SLC12A1: variants seen among roughly 807,000 people sequenced by gnomAD.
SLC12A1 encodes the protein solute carrier family 12 member 1.
Under a neutral mutation model 130.4 loss-of-function variants are expected in SLC12A1, and 89 were observed. The ratio of observed to expected loss-of-function variants is 0.68; its 90% CI spans 0.58 to 0.81. The LOEUF (loss-of-function observed/expected upper bound fraction) is 0.81, where lower values mean the gene tolerates loss of function less well. Ranked by LOEUF, SLC12A1 falls within the 40% of genes least tolerant of loss-of-function variation. The pLI, the probability that SLC12A1 is intolerant of heterozygous loss-of-function variation, is 0.00. For missense variants in SLC12A1, 1,310 were observed against 1,336.4 expected (o/e 0.98, Z 0.31); for synonymous variants, 499 against 460.0 (o/e 1.08, Z -1.09).
At chr15:48,285,328 C>A in intron 21 of SLC12A1, 79 bp downstream of exon 21, 1 of 1,402,044 alleles carries the variant, frequency 7.1e-7, no homozygotes, top group Non-Finnish European at 1.0e-6. Flanking sequence ...CCGAAGTCAG[C>A]ATCTAAGATG....
chr15:48,232,631 T>C (rs1597412584), intron 7 of SLC12A1, 96 bp from the exon 8 acceptor site: 1 of 790,830 alleles, frequency 1.3e-6, no homozygotes, highest in South Asian at 1.4e-5. Context: ...AAATATCAGA[T>C]AGAGTCTTTC....
At chr15:48,243,017 T>C (rs1162374460) in intron 10 of SLC12A1, among the ~76,000 whole-genome samples, 1 of 152,122 alleles carries the variant, frequency 6.6e-6, no homozygotes, top group East Asian at 1.9e-4. Flanking sequence ...GAGCTTCTTC[T>C]AGTTTTGCCC....
At chr15:48,266,878 T>C (rs1480293754) in intron 17 of SLC12A1, among the ~76,000 whole-genome samples, 3 of 152,216 alleles carry the variant, frequency 2.0e-5, no homozygotes, top group Non-Finnish European at 4.4e-5. Context: ...AAATGCCTTA[T>C]CAACCATCAC....
chr15:48,295,744 A>G (rs934092103), intron 24 of SLC12A1, among the ~76,000 whole-genome samples: 11 of 152,204 alleles, frequency 7.2e-5, no homozygotes, highest in African/African-American at 2.7e-4. Context: ...CTTGTGGCCA[A>G]TATACCCTGC....
chr15:48,290,224 C>T (rs935964194), intron 23 of SLC12A1, among the ~76,000 whole-genome samples: 2 of 152,078 alleles, frequency 1.3e-5, no homozygotes, highest in African/African-American at 2.4e-5. Flanking sequence ...ATCAATATCA[C>T]TGTCTGCCAC....
At chr15:48,263,591 ATTAATGACTG>A (rs2041798865) in intron 17 of SLC12A1, among the ~76,000 whole-genome samples, 1 of 152,150 alleles carries the variant, frequency 6.6e-6, no homozygotes, top group Non-Finnish European at 1.5e-5. Context: ...ACTTTTCCTA[ATTAATGACTG>A]TTAACATTTT....
At chr15:48,233,013 A>C (rs1411797206) in intron 8 of SLC12A1, among the ~76,000 whole-genome samples, 175 bp downstream of exon 8, 1 of 152,248 alleles carries the variant, frequency 6.6e-6, no homozygotes, top group Non-Finnish European at 1.5e-5. Flanking sequence ...AATAGAGGCA[A>C]AAACTATCAT....
At chr15:48,268,897 GAA>G (rs1293146269) in intron 18 of SLC12A1, among the ~76,000 whole-genome samples, 1 of 152,096 alleles carries the variant, frequency 6.6e-6, no homozygotes, top group African/African-American at 2.4e-5. Context: ...AGCAGGGAAA[GAA>G]AAGACACAAG....
At chr15:48,259,370 T>C (rs1444735393) in intron 17 of SLC12A1, 59 bp downstream of exon 17, 2 of 1,167,354 alleles carry the variant, frequency 1.7e-6, no homozygotes, top group Non-Finnish European at 2.6e-6. Context: ...TTGGATTATT[T>C]TGGGTGAGGA....
At chr15:48,269,456 C>T (rs1042243670) in intron 18 of SLC12A1, among the ~76,000 whole-genome samples, 2 of 152,122 alleles carry the variant, frequency 1.3e-5, no homozygotes, top group African/African-American at 4.8e-5. Flanking sequence ...CATCTAAAAT[C>T]CATTTATAGC....
rs773855120 is a variant in SLC12A1, at chr15:48,208,101, C to T, written c.382C>T (p.Arg128Ter). 6.2e-7 allele frequency: 1 copy of T among 1,602,458 alleles called. No homozygotes were observed. Reference sequence around the variant, plus strand: ...CAGCATCAGTGGGCCCAAGGTCAACCGACCCAGCCTGCTTGAGATTCACGA... The same window carrying T: ...CAGCATCAGTGGGCCCAAGGTCAACTGACCCAGCCTGCTTGAGATTCACGA... ...TGSISGPKVN[R>*]PSLLEIHEQL... The change falls in exon 2 of 27, where the codon CGA (arginine) becomes TGA (stop). Residue 128 changes from arginine (R) to a stop codon, truncating the protein, a stop_gained. Coordinates refer to ENST00000380993, the MANE Select transcript of SLC12A1 (RefSeq NM_000338.3). LOFTEE classifies it high-confidence loss of function.
Position 48,234,908 on chromosome 15 carries a change from C to T in SLC12A1, c.1119C>T (p.Arg373=). Residue 373 remains arginine (R), a synonymous_variant, in exon 9 of 27, where the codon CGC becomes CGT. Coordinates refer to ENST00000380993, the MANE Select transcript of SLC12A1 (RefSeq NM_000338.3). ...TATTTGCAGAAAACTTTGGGCCACG[C>T]TTCACAAAGGGTGAAGGCTTCTTCT... ...ASIFAENFGP[R]FTKGEGFFSV... The T allele has an allele frequency of 6.2e-7, 1 of 1,613,824 alleles. No homozygotes were observed. Among genetic ancestry groups the T allele is most frequent in the Non-Finnish European group, 8.5e-7 (1 of 1,179,728 alleles).
At chr15:48,268,427 A>G (rs1002044637) in intron 18 of SLC12A1, among the ~76,000 whole-genome samples, 6 of 152,174 alleles carry the variant, frequency 3.9e-5, no homozygotes, top group African/African-American at 1.4e-4. Context: ...TGAAAACCCT[A>G]ATTATATATA....
At position 48,220,758 on chromosome 15, in the gene SLC12A1, G is replaced by T. The variant is rs1332963254; in HGVS notation, c.545G>T (p.Gly182Val). ...AGVVKFGWVK[G>V]VLVRCMLNIW... is the part of the protein sequence containing the mutation. ...GTTGTGAAGTTTGGATGGGTGAAAG[G>T]TGTGCTGGTGAGAAAGCTCTTCTGT... is the stretch of plus-strand genomic sequence containing the variant. Residue 182 changes from glycine to valine, a missense_variant, in exon 3 of 27, where the codon GGT (glycine) becomes GTT (valine). Coordinates refer to ENST00000380993, the MANE Select transcript of SLC12A1 (RefSeq NM_000338.3). 2 of 1,613,948 alleles carry T rather than the reference G, an allele frequency of 1.2e-6. No individual in the cohort carries two copies. Among genetic ancestry groups the T allele is most frequent in the Non-Finnish European group, 1.7e-6 (2 of 1,179,892 alleles).
intron 19 of SLC12A1, among the ~76,000 whole-genome samples, chr15:48,272,148 A>G (rs983493650): frequency 3.9e-5 from 6 of 152,260 alleles, no homozygotes; most frequent in African/African-American, 1.2e-4. Flanking sequence ...CTTGGTAATA[A>G]AGTTCAATAT....
intron 10 of SLC12A1, among the ~76,000 whole-genome samples, chr15:48,242,364 TACA>T (rs2041526556): frequency 6.6e-6 from 1 of 152,140 alleles, no homozygotes; most frequent in South Asian, 2.1e-4. Flanking sequence ...AGCCAAAGGG[TACA>T]TCCCAGTCCT....
chr15:48,303,797 C>T lies in SLC12A1; in HGVS notation c.*912C>T, dbSNP rs1014536778. 2.6e-5 allele frequency: 4 copies of T among 151,946 alleles called. No individual in the cohort carries two copies. The highest frequency in any genetic ancestry group is 9.7e-5 in the African/African-American group (4 of 41,360). 9.4% of individuals were successfully genotyped at this position (151,946 alleles called of 1,614,324 possible). On this transcript the variant is annotated 3_prime_UTR_variant, in exon 27 of 27. Transcript: ENST00000380993. Reference sequence around the variant, plus strand: ...TTCAAACCATTATTAAGAAATATATCCTGAATCATATATTTAGTTACTTTC... The same window carrying T: ...TTCAAACCATTATTAAGAAATATATTCTGAATCATATATTTAGTTACTTTC...
chr15:48,255,200 G>C (rs962422510), intron 15 of SLC12A1, among the ~76,000 whole-genome samples: 8 of 152,218 alleles, frequency 5.3e-5, no homozygotes, highest in African/African-American at 1.9e-4. Context: ...AGCACTCTGA[G>C]AGACCGAGAT....
At chr15:48,291,670 G>C in intron 23 of SLC12A1, 108 bp from the exon 24 acceptor site, 1 of 717,740 alleles carries the variant, frequency 1.4e-6, no homozygotes, top group South Asian at 1.6e-5. Flanking sequence ...TGAAAGCTAA[G>C]CTGAAATAAG....
Sources: gnomAD v4.1 joint callset for allele counts (sites outside exome capture counted in the v4.1 genomes callset) on GRCh38, gnomAD v4.1.1 for gene constraint, MANE v1.5 for transcripts, NCBI Gene and HGNC (gene_info 2026-07-23, HGNC 2026-07-21) for gene names.